Variants in PRSS48 observed in about 807,000 individuals in gnomAD.
PRSS48 encodes epidermis-specific serine protease-like protein.
Under a neutral mutation model 25.6 loss-of-function variants are expected in PRSS48, and 21 were observed. The ratio of observed to expected loss-of-function variants is 0.82; its 90% CI spans 0.58 to 1.18. PRSS48 has a LOEUF of 1.18. PRSS48 is among the 50% of genes most tolerant of loss of function. The pLI is 0.00. For missense variants in PRSS48, 373 were observed against 399.3 expected (o/e 0.93, Z 0.56); for synonymous variants, 150 against 149.3 (o/e 1.00, Z -0.04).
chr4:151,278,702 C>A (rs976276528), intron 1 of PRSS48, among the ~76,000 whole-genome samples: 2 of 151,994 alleles, frequency 1.3e-5, no homozygotes, highest in Non-Finnish European at 2.9e-5. Context: ...ATGATCTAAA[C>A]TCACCGCATC....
At chr4:151,282,381 T>C (rs1774333354) in exon 3 of PRSS48, 1 of 1,613,856 alleles carries the variant, frequency 6.2e-7, no homozygotes, top group Non-Finnish European at 8.5e-7. Flanking sequence ...TTTTGTTGGG[T>C]GACCGGATGG....
chr4:151,278,070 A>C (rs1424917297), intron 1 of PRSS48, among the ~76,000 whole-genome samples: 2 of 152,156 alleles, frequency 1.3e-5, no homozygotes, highest in African/African-American at 2.4e-5. Flanking sequence ...ATGCTGAGAG[A>C]GCAAAAAACT....
intron 4 of PRSS48, 41 bp downstream of exon 4, chr4:151,283,327 T>G: frequency 4.0e-5 from 47 of 1,187,838 alleles, no homozygotes; most frequent in Non-Finnish European, 5.5e-5. Context: ...AAACATGAGA[T>G]CTTAATTTGG....
chr4:151,289,433 A>C, intron 4 of PRSS48, among the ~76,000 whole-genome samples: 1 of 152,232 alleles, frequency 6.6e-6, no homozygotes, highest in African/African-American at 2.4e-5. Context: ...CAACAAAGTA[A>C]AAAGGTAGCC....
At chr4:151,286,982 A>AAATAATAATCAT in intron 4 of PRSS48, among the ~76,000 whole-genome samples, 1 of 141,838 alleles carries the variant, frequency 7.1e-6, no homozygotes, top group African/African-American at 2.6e-5. Flanking sequence ...TCTGTCTCAA[A>AAATAATAATCAT]AATAATAATA....
chr4:151,291,193 G>C (rs755186155), exon 5 of PRSS48: 2 of 1,613,600 alleles, frequency 1.2e-6, no homozygotes, highest in Non-Finnish European at 1.7e-6. Context: ...CTGGGGATTA[G>C]AATGTGGTAA....
chr4:151,279,121 G>A, intron 1 of PRSS48: 1 of 435,366 alleles, frequency 2.3e-6, no homozygotes, highest in Non-Finnish European at 4.5e-6. Context: ...AGGCTGACCT[G>A]CCAAGGCCAG....
At chr4:151,290,851 C>A (rs1003683216) in intron 4 of PRSS48, among the ~76,000 whole-genome samples, 2 of 152,112 alleles carry the variant, frequency 1.3e-5, no homozygotes, top group Non-Finnish European at 2.9e-5. Flanking sequence ...GTGAAAAAAT[C>A]ATCTCATTAG....
chr4:151,277,326 T>C (rs980537341), intron 1 of PRSS48, 102 bp downstream of exon 1: 1 of 906,000 alleles, frequency 1.1e-6, no homozygotes, highest in African/African-American at 1.7e-5. Flanking sequence ...ATGTTAGTTA[T>C]GAGTAGCACA....
chr4:151,280,054 T>TCAAACCCGAAACAACTAG, intron 2 of PRSS48, 96 bp downstream of exon 2: 1 of 872,648 alleles, frequency 1.1e-6, no homozygotes, highest in Non-Finnish European at 1.7e-6. Context: ...AGTGGTAAAA[T>TCAAACCCGAAACAACTAG]AGGCAGGGCG....
chr4:151,291,249 G>A lies in PRSS48; in HGVS notation c.783G>A (p.Trp261Ter). The A allele has an allele frequency of 6.2e-7, 1 of 1,613,924 alleles. No homozygotes were observed. The highest frequency in any genetic ancestry group is 1.1e-5 in the South Asian group (1 of 91,080). The change falls in exon 5 of 5, where the codon TGG becomes TGA. Residue 261 changes from tryptophan (W) to a stop codon, truncating the protein, a stop_gained. Coordinates refer to ENST00000455694, the Ensembl canonical transcript of PRSS48. LOFTEE classifies it low-confidence loss of function (END_TRUNC). ...CCAATGTAATCTACTACCAAAAATGGATTAATGCCACTATTTCAAGAGCCA... is the reference window on the plus strand; with the variant it reads ...CCAATGTAATCTACTACCAAAAATGAATTAATGCCACTATTTCAAGAGCCA...
At chr4:151,290,100 C>T (rs1214725786) in intron 4 of PRSS48, among the ~76,000 whole-genome samples, 1 of 152,126 alleles carries the variant, frequency 6.6e-6, no homozygotes, top group East Asian at 1.9e-4. Flanking sequence ...CATATGCCAC[C>T]ATAGCAGCTA....
At chr4:151,278,291 C>CAG (rs766105313) in intron 1 of PRSS48, among the ~76,000 whole-genome samples, 3 of 151,528 alleles carry the variant, frequency 2.0e-5, no homozygotes, top group Admixed American at 2.0e-4. Flanking sequence ...TTTTAAGAGA[C>CAG]AGAGTCTCAC....
chr4:151,282,256 C>T, exon 3 of PRSS48: 2 of 1,613,958 alleles, frequency 1.2e-6, no homozygotes, highest in Non-Finnish European at 1.7e-6. Flanking sequence ...ATCCCAAGTA[C>T]CAAGATACAA....
chr4:151,282,509 T>C, intron 3 of PRSS48, 96 bp downstream of exon 3: 1 of 1,329,718 alleles, frequency 7.5e-7, no homozygotes, highest in Non-Finnish European at 1.0e-6. Context: ...GGAAAATATT[T>C]TTCAACAAAA....
At chr4:151,287,558 G>A (rs116389491) in intron 4 of PRSS48, among the ~76,000 whole-genome samples, 7 of 152,248 alleles carry the variant, frequency 4.6e-5, no homozygotes, top group African/African-American at 1.4e-4. Context: ...AAGTCAAGTT[G>A]GCTGACCTCA....
intron 1 of PRSS48, chr4:151,279,180 G>A: frequency 2.9e-6 from 1 of 345,602 alleles, no homozygotes. Flanking sequence ...TGAGTATACA[G>A]GTCACCAGCA....
At chr4:151,284,986 G>A (rs191448640) in intron 4 of PRSS48, among the ~76,000 whole-genome samples, 54 of 152,172 alleles carry the variant, frequency 3.5e-4, no homozygotes, top group Admixed American at 9.2e-4. Flanking sequence ...AACTGCTAAG[G>A]TAGCTCTGAA....
intron 4 of PRSS48, among the ~76,000 whole-genome samples, chr4:151,290,790 G>A (rs1288005513): frequency 1.3e-5 from 2 of 152,182 alleles, no homozygotes; most frequent in Non-Finnish European, 2.9e-5. Flanking sequence ...AACAAGAGCA[G>A]TAAGAACAGG....
Sources: allele counts gnomAD v4.1 joint callset (sites outside exome capture counted in the v4.1 genomes callset), GRCh38; gene constraint gnomAD v4.1.1; transcripts MANE v1.5; gene names NCBI Gene and HGNC (gene_info 2026-07-23, HGNC 2026-07-21).